GPR3: variants seen among roughly 807,000 people sequenced by gnomAD.
The protein encoded by GPR3 is G protein-coupled receptor 3.
Under a neutral mutation model 18.2 loss-of-function variants are expected in GPR3, and 16 were observed. That is an observed-to-expected ratio of 0.88 (90% CI 0.60 to 1.34). The LOEUF (loss-of-function observed/expected upper bound fraction) is 1.34. Ranked by LOEUF, GPR3 falls within the 40% of genes most tolerant of loss-of-function variation. The pLI is 0.00. For synonymous variants in GPR3, 183 were observed against 188.9 expected, an observed-to-expected ratio of 0.97 and a Z score of 0.26; for missense variants, 326 against 427.6, an observed-to-expected ratio of 0.76 and a Z score of 2.10.
chr1:27,394,373 A>G lies in GPR3; in HGVS notation c.575A>G (p.Lys192Arg). Residue 192 changes from lysine to arginine, a missense_variant, in exon 2 of 2, where the codon AAG (lysine) becomes AGG (arginine). Coordinates refer to ENST00000374024, the MANE Select transcript of GPR3 (RefSeq NM_005281.4). Reference protein sequence around the residue: ...TTCGVVYPLSKNHLVVLAIAF... With the variant: ...TTCGVVYPLSRNHLVVLAIAF... The stretch of plus-strand genomic sequence containing the variant: ...TGTGGCGTGGTTTATCCACTCTCCA[A>G]GAACCATCTGGTAGTTCTGGCCATT... The G allele has an allele frequency of 1.2e-6, 2 of 1,614,114 alleles. No individual in the cohort carries two copies. The highest frequency in any genetic ancestry group is 1.7e-6 in the Non-Finnish European group (2 of 1,180,026).
chr1:27,394,715 A>G lies in GPR3; in HGVS notation c.917A>G (p.Lys306Arg). The change falls in exon 2 of 2, where the codon AAA becomes AGA. Residue 306 changes from lysine to arginine, a missense_variant. Lys to Arg is a conservative substitution (Grantham distance 26). Transcript: ENST00000374024. ...GCCTTCCGCAACCAGGATGTGCAGAAAGTGCTGTGGGCTGTCTGCTGCTGC... is the reference window on the plus strand; with the variant it reads ...GCCTTCCGCAACCAGGATGTGCAGAGAGTGCTGTGGGCTGTCTGCTGCTGC... ...IYAFRNQDVQ[K>R]VLWAVCCCCS... 1 of 1,614,136 alleles carries G rather than the reference A, an allele frequency of 6.2e-7. No individual in the cohort carries two copies.
At position 27,394,971 on chromosome 1, in the gene GPR3, G is replaced by C. The variant is rs983885016; in HGVS notation, c.*180G>C. On this transcript the variant is annotated 3_prime_UTR_variant, in exon 2 of 2. Transcript: ENST00000374024. Reference sequence around the variant, plus strand: ...CCTATGGGGGCCCAGCTGGCTCCACGGTTCCAGAATGTTCAGGTGGTCAGT... The same window carrying C: ...CCTATGGGGGCCCAGCTGGCTCCACCGTTCCAGAATGTTCAGGTGGTCAGT... 1.6e-6 allele frequency: 1 copy of C among 643,400 alleles called. No individual in the cohort carries two copies. The highest frequency in any genetic ancestry group is 2.7e-6 in the Non-Finnish European group (1 of 367,430). The allele number at this position is 643,400 out of a possible 1,614,324, so 39.9% of individuals were successfully genotyped here. A position where few individuals can be genotyped will look rare whatever the true frequency, so the allele number is the denominator to read the frequency against.
chr1:27,394,185 C>T lies in GPR3; in HGVS notation c.387C>T (p.Ala129=). The change falls in exon 2 of 2, where the codon GCC becomes GCT. Residue 129 remains alanine, a synonymous_variant. Coordinates refer to ENST00000374024, the MANE Select transcript of GPR3 (RefSeq NM_005281.4). ...CCGCCAGCATCGGCAGTCTACTGGC[C>T]ATCACTGTCGACCGCTACCTTTCTC... is the stretch of plus-strand genomic sequence containing the variant. ...AFTASIGSLL[A]ITVDRYLSLY... 6.2e-7 allele frequency: 1 copy of T among 1,613,970 alleles called. No homozygotes were observed. The highest frequency in any genetic ancestry group is 8.5e-7 in the Non-Finnish European group (1 of 1,180,030).
At position 27,394,620 on chromosome 1, in the gene GPR3, T is replaced by A. The variant is rs141853796; in HGVS notation, c.822T>A (p.Ser274=). The A allele has an allele frequency of 1.2e-6, 2 of 1,613,970 alleles. No individual in the cohort carries two copies. The highest frequency in any genetic ancestry group is 1.7e-6 in the Non-Finnish European group (2 of 1,179,980). ...ACTGCCTGCTGGGTGATGCCCACTC[T>A]CCACCTCTCTACACCTATCTTACCT... ...TVYCLLGDAH[S]PPLYTYLTLL... Residue 274 remains serine (S), a synonymous_variant, in exon 2 of 2, where the codon TCT becomes TCA. Coordinates refer to ENST00000374024, the MANE Select transcript of GPR3 (RefSeq NM_005281.4).
In GPR3 at chr1:27,394,916, C is replaced by A; in HGVS notation, c.*125C>A. ...CCCAGCTGGTTCTGGAGTTCTAGGACATTGGGTGTTTCAAGGTTCTGTTCA... is the reference window on the plus strand; with the variant it reads ...CCCAGCTGGTTCTGGAGTTCTAGGAAATTGGGTGTTTCAAGGTTCTGTTCA... On this transcript the variant is annotated 3_prime_UTR_variant, in exon 2 of 2. Coordinates refer to ENST00000374024, the MANE Select transcript of GPR3 (RefSeq NM_005281.4). 1 of 1,045,604 alleles carries A rather than the reference C, an allele frequency of 9.6e-7. No homozygotes were observed. Among genetic ancestry groups the A allele is most frequent in the Non-Finnish European group, 1.4e-6 (1 of 707,706 alleles). The allele number at this position is 1,045,604 out of a possible 1,614,324, so 64.8% of individuals were successfully genotyped here.
rs929716535 is a variant in GPR3, at chr1:27,394,417, G to A, written c.619G>A (p.Gly207Ser). 1.2e-6 allele frequency: 2 copies of A among 1,614,140 alleles called. No homozygotes were observed. The highest frequency in any genetic ancestry group is 1.7e-5 in the Admixed American group (1 of 60,020). ...GGCCATTGCCTTCTTCATGGTGTTT[G>A]GCATCATGCTGCAGCTCTACGCCCA... ...VLAIAFFMVF[G>S]IMLQLYAQIC... The change falls in exon 2 of 2, where the codon GGC (glycine) becomes AGC (serine). Residue 207 changes from glycine to serine, a missense_variant. By Grantham distance (56) the Gly-to-Ser change is moderately conservative. Transcript: ENST00000374024.
In GPR3 at chr1:27,394,766, G is replaced by C. The variant is rs149104107; in HGVS notation, c.968G>C (p.Arg323Pro). 3.7e-6 allele frequency: 6 copies of C among 1,613,874 alleles called. No homozygotes were observed. The highest frequency in any genetic ancestry group is 3.3e-5 in the Admixed American group (2 of 60,008). Reference sequence around the variant, plus strand: ...TGTTCCTCTTCCAAGATCCCCTTCCGATCCCGCTCCCCCAGTGATGTCTAG... The same window carrying C: ...TGTTCCTCTTCCAAGATCCCCTTCCCATCCCGCTCCCCCAGTGATGTCTAG... Reference protein sequence around the residue: ...CCCSSSKIPFRSRSPSDV With the variant: ...CCCSSSKIPFPSRSPSDV Residue 323 changes from arginine (R) to proline (P), a missense_variant, in exon 2 of 2, where the codon CGA (arginine) becomes CCA (proline). Physicochemically the swap from Arg to Pro is moderately radical, Grantham distance 103. Transcript: ENST00000374024.
intron 1 of GPR3, among the ~76,000 whole-genome samples, chr1:27,393,186 C>T (rs931358676): frequency 3.8e-5 from 5 of 133,080 alleles, no homozygotes; most frequent in Non-Finnish European, 7.6e-5. Flanking sequence ...GAGATTCAGG[C>T]GGAAAGAAGG....
At position 27,394,219 on chromosome 1, in the gene GPR3, G is replaced by T. The variant is rs1405030421; in HGVS notation, c.421G>T (p.Ala141Ser). ...TVDRYLSLYN[A>S]LTYYSETTVT... ...CGACCGCTACCTTTCTCTGTACAATGCCCTCACCTACTATTCAGAGACAAC... is the reference window on the plus strand; with the variant it reads ...CGACCGCTACCTTTCTCTGTACAATTCCCTCACCTACTATTCAGAGACAAC... The change falls in exon 2 of 2, where the codon GCC (alanine) becomes TCC (serine). Residue 141 changes from alanine to serine, a missense_variant. Transcript: ENST00000374024. 1 of 1,613,758 alleles carries T rather than the reference G, an allele frequency of 6.2e-7. No homozygotes were observed. The highest frequency in any genetic ancestry group is 1.1e-5 in the South Asian group (1 of 91,088).
Position 27,394,052 on chromosome 1 carries a change from C to T in GPR3, c.254C>T (p.Ala85Val), listed in dbSNP as rs1422484990. 3 of 1,610,948 alleles carry T rather than the reference C, an allele frequency of 1.9e-6. No homozygotes were observed. Among genetic ancestry groups the T allele is most frequent in the African/African-American group, 2.7e-5 (2 of 74,934 alleles). ...MFLLVGSLAV[A>V]DLLAGLGLVL... Reference sequence around the variant, plus strand: ...CTGCTGGTGGGCAGCCTGGCCGTGGCAGACCTGCTGGCAGGCCTGGGCCTG... The same window carrying T: ...CTGCTGGTGGGCAGCCTGGCCGTGGTAGACCTGCTGGCAGGCCTGGGCCTG... Residue 85 changes from alanine (A) to valine (V), a missense_variant, in exon 2 of 2, where the codon GCA becomes GTA. By Grantham distance (64) the Ala-to-Val change is moderately conservative. Transcript: ENST00000374024.
Position 27,394,129 on chromosome 1 carries a change from G to C in GPR3, c.331G>C (p.Val111Leu), listed in dbSNP as rs916858876. ...CATCGGCTCAGCGGAGATGAGCCTG[G>C]TGCTGGTTGGCGTGCTGGCAATGGC... ...FCIGSAEMSL[V>L]LVGVLAMAFT... Residue 111 changes from valine (V) to leucine (L), a missense_variant, in exon 2 of 2, where the codon GTG becomes CTG. By Grantham distance (32) the Val-to-Leu change is conservative. Transcript: ENST00000374024. The C allele has an allele frequency of 6.2e-7, 1 of 1,612,994 alleles. No individual in the cohort carries two copies. The highest frequency in any genetic ancestry group is 8.5e-7 in the Non-Finnish European group (1 of 1,180,030).
intron 1 of GPR3, among the ~76,000 whole-genome samples, chr1:27,392,955 G>T (rs1418889641): frequency 2.6e-5 from 4 of 152,116 alleles, no homozygotes; most frequent in Non-Finnish European, 5.9e-5. Context: ...TTCCTGCAGG[G>T]ACCCGAGGCC....
chr1:27,394,627 C>G lies in GPR3; in HGVS notation c.829C>G (p.Leu277Val). 6.2e-7 allele frequency: 1 copy of G among 1,614,022 alleles called. No homozygotes were observed. The highest frequency in any genetic ancestry group is 8.5e-7 in the Non-Finnish European group (1 of 1,180,016). ...GCTGGGTGATGCCCACTCTCCACCT[C>G]TCTACACCTATCTTACCTTGCTCCC... Reference protein sequence around the residue: ...CLLGDAHSPPLYTYLTLLPAT... With the variant: ...CLLGDAHSPPVYTYLTLLPAT... The change falls in exon 2 of 2, where the codon CTC (leucine) becomes GTC (valine). Residue 277 changes from leucine to valine, a missense_variant. Physicochemically the swap from Leu to Val is conservative, Grantham distance 32. Coordinates refer to ENST00000374024, the MANE Select transcript of GPR3 (RefSeq NM_005281.4).
rs1376723858 is a variant in GPR3, at chr1:27,394,670, TG to T, written c.873del (p.Met291IlefsTer42). 2 of 1,614,184 alleles carry T rather than the reference TG, an allele frequency of 1.2e-6. No individual in the cohort carries two copies. The highest frequency in any genetic ancestry group is 1.7e-6 in the Non-Finnish European group (2 of 1,180,030). On this transcript the variant is annotated frameshift_variant, in exon 2 of 2. Transcript: ENST00000374024. LOFTEE classifies it high-confidence loss of function. ...TTGCTCCCTGCCACCTACAACTCCA[TG>T]ATCAACCCTATCATCTACGCCTTCC... Reference protein sequence around the residue: ...LTLLPATYNSMINPIIYAFRN... With the variant: ...LTLLPATYNSXINPIIYAFRN...
At chr1:27,393,767 G>GGTAC in intron 1 of GPR3, 27 bp from the exon 2 acceptor site, 1 of 1,516,452 alleles carries the variant, frequency 6.6e-7, no homozygotes, top group Non-Finnish European at 8.8e-7. Flanking sequence ...AGCTTGGTCA[G>GGTAC]CTTCTCACAA....
rs1472563915 is a variant in GPR3 at position 27,394,309 on chromosome 1, C to T, written c.511C>T (p.Pro171Ser). ...WGGALGLGLL[P>S]VLAWNCLDGL... is the part of the protein sequence containing the mutation. ...AGGTGCCCTGGGCCTGGGGCTGCTG[C>T]CTGTGCTGGCCTGGAACTGCCTGGA... The change falls in exon 2 of 2, where the codon CCT becomes TCT. Residue 171 changes from proline (P) to serine (S), a missense_variant. Physicochemically the swap from Pro to Ser is moderately conservative, Grantham distance 74. Transcript: ENST00000374024. The T allele has an allele frequency of 6.2e-7, 1 of 1,613,444 alleles. No individual in the cohort carries two copies. Among genetic ancestry groups the T allele is most frequent in the East Asian group, 2.2e-5 (1 of 44,882 alleles).
rs773041436 is a variant in GPR3 at position 27,394,981 on chromosome 1, T to C, written c.*190T>C. The C allele has an allele frequency of 2.4e-5, 15 of 619,970 alleles. No homozygotes were observed. Among genetic ancestry groups the C allele is most frequent in the Non-Finnish European group, 3.2e-5 (11 of 348,164 alleles). 38.4% of individuals were successfully genotyped at this position (619,970 alleles called of 1,614,324 possible). ...CCCAGCTGGCTCCACGGTTCCAGAATGTTCAGGTGGTCAGTGTTCTACTCA... is the reference window on the plus strand; with the variant it reads ...CCCAGCTGGCTCCACGGTTCCAGAACGTTCAGGTGGTCAGTGTTCTACTCA... On this transcript the variant is annotated 3_prime_UTR_variant, in exon 2 of 2. Transcript: ENST00000374024.
chr1:27,393,715 G>T, intron 1 of GPR3, 79 bp from the exon 2 acceptor site: 1 of 1,236,556 alleles, frequency 8.1e-7, no homozygotes. Flanking sequence ...CACGTATCCT[G>T]AGAAGCACCT....
Position 27,395,018 on chromosome 1 carries a change from C to T in GPR3, c.*227C>T, listed in dbSNP as rs903107142. 5 of 539,922 alleles carry T rather than the reference C, an allele frequency of 9.3e-6. No individual in the cohort carries two copies. In the African/African-American group the frequency reaches 9.5e-5, roughly 10 times the overall value. The allele number at this position is 539,922 out of a possible 1,614,324, so 33.4% of individuals were successfully genotyped here. A position where few individuals can be genotyped will look rare whatever the true frequency, so the allele number is the denominator to read the frequency against. On this transcript the variant is annotated 3_prime_UTR_variant, in exon 2 of 2. Transcript: ENST00000374024. ...CAGTGTTCTACTCAGAAATGTCTCA[C>T]AGCCCAGCTGGGTTGCAATTCCAGA... is the stretch of plus-strand genomic sequence containing the variant.
Sources: allele counts gnomAD v4.1 joint callset (sites outside exome capture counted in the v4.1 genomes callset), GRCh38; gene constraint gnomAD v4.1.1; transcripts MANE v1.5; gene names NCBI Gene and HGNC (gene_info 2026-07-23, HGNC 2026-07-21).